Variants in PRDM4 observed in about 807,000 individuals in gnomAD.
PRDM4 encodes PR domain zinc finger protein 4.
In PRDM4, 38 loss-of-function variants were observed where a neutral mutation model predicts 62.3. That is an observed-to-expected ratio of 0.61 (90% CI 0.47 to 0.80). PRDM4 has a LOEUF of 0.80. Ranked by LOEUF, PRDM4 falls within the 30% of genes least tolerant of loss-of-function variation. PRDM4 has a pLI of 0.00. For missense variants in PRDM4, 858 were observed against 997.1 expected (o/e 0.86, Z 1.88); for synonymous variants, 339 against 348.2 (o/e 0.97, Z 0.30).
At position 107,739,276 on chromosome 12, in the gene PRDM4, T is replaced by C. The variant is rs1012882889; in HGVS notation, c.2093+107A>G. The C allele has an allele frequency of 5.1e-5, 65 of 1,279,754 alleles. 1 individual carries two copies. In the Admixed American group the frequency reaches 1.4e-3, roughly 28 times the overall value. The allele number at this position is 1,279,754 out of a possible 1,614,324, so 79.3% of individuals were successfully genotyped here. ...AGGCATCTACCATGGTACCAAGGCATGAAACAGATGAGCCAGGACTCCCCA... is the reference window on the plus strand; with the variant it reads ...AGGCATCTACCATGGTACCAAGGCACGAAACAGATGAGCCAGGACTCCCCA... On this transcript the variant is annotated intron_variant, in intron 11 of 11. Transcript: ENST00000228437.
intron 4 of PRDM4, among the ~76,000 whole-genome samples, chr12:107,753,344 C>A (rs1297527022): frequency 2.2e-5 from 3 of 139,064 alleles, no homozygotes; most frequent in Admixed American, 7.4e-5. Context: ...CCAGCCTGGG[C>A]AAAATAGTTG....
intron 4 of PRDM4, 70 bp from the exon 5 acceptor site, chr12:107,752,279 C>T (rs1890920391): frequency 2.6e-6 from 3 of 1,155,366 alleles, no homozygotes; most frequent in South Asian, 2.8e-5. Flanking sequence ...GCACTAGACG[C>T]TATTTCCTTA....
At chr12:107,742,183 TA>T in intron 9 of PRDM4, 37 bp downstream of exon 9, 1 of 1,583,176 alleles carries the variant, frequency 6.3e-7, no homozygotes, top group Non-Finnish European at 8.6e-7. Context: ...TTGGTATTTT[TA>T]CTAAGCCAGA....
At chr12:107,758,034 G>A (rs12368330) in intron 2 of PRDM4, among the ~76,000 whole-genome samples, 3 of 151,792 alleles carry the variant, frequency 2.0e-5, no homozygotes, top group African/African-American at 7.3e-5. Context: ...CGTATGGGAG[G>A]GGGTGAAGCA....
chr12:107,751,458 G>A lies in PRDM4; in HGVS notation c.1083C>T (p.Asp361=), dbSNP rs1380997159. 6.2e-7 allele frequency: 1 copy of A among 1,612,294 alleles called. No homozygotes were observed. Among genetic ancestry groups the A allele is most frequent in the South Asian group, 1.1e-5 (1 of 91,070 alleles). The change falls in exon 5 of 12, where the codon GAC becomes GAT. Residue 361 remains aspartate (D), a synonymous_variant. Coordinates refer to ENST00000228437, the MANE Select transcript of PRDM4 (RefSeq NM_012406.4). ...SFVSPSLQME[D]SNSNKENMAT... The stretch of plus-strand genomic sequence containing the variant: ...CCATGTTCTCCTTGTTTGAATTGGA[G>A]TCTTCCATTTGCAGTGAAGGTGATA...
chr12:107,748,636 T>G (rs1175732201), intron 5 of PRDM4, among the ~76,000 whole-genome samples: 2 of 152,134 alleles, frequency 1.3e-5, no homozygotes, highest in African/African-American at 4.8e-5. Flanking sequence ...GGCAAATCCA[T>G]AGAGACAGAA....
Position 107,746,284 on chromosome 12 carries a change from C to T in PRDM4, c.1267G>A (p.Ala423Thr), listed in dbSNP as rs1270887388. The T allele has an allele frequency of 1.2e-6, 2 of 1,613,974 alleles. No homozygotes were observed. The highest frequency in any genetic ancestry group is 2.2e-5 in the South Asian group (2 of 91,006). The change falls in exon 6 of 12, where the codon GCA becomes ACA. Residue 423 changes from alanine to threonine, a missense_variant. Physicochemically the swap from Ala to Thr is moderately conservative, Grantham distance 58 (BLOSUM62 0). Coordinates refer to ENST00000228437, the MANE Select transcript of PRDM4 (RefSeq NM_012406.4). ...QLVLRQSIVG[A>T]EVGVWTGETI... Reference sequence around the variant, plus strand: ...GTTCCAAGGTTCTTACCAACTTCTGCTCCCACAATTGACTGACGGAGAACA... The same window carrying T: ...GTTCCAAGGTTCTTACCAACTTCTGTTCCCACAATTGACTGACGGAGAACA...
rs545596805 is a variant in PRDM4 at position 107,744,664 on chromosome 12, G to A, written c.1277-3C>T. On this transcript the variant is annotated splice_polypyrimidine_tract_variant and splice_region_variant and intron_variant, in intron 6 of 11. Transcript: ENST00000228437. Reference sequence around the variant, plus strand: ...AATGGTTTCTCCAGTCCATACACCTGTCAGTGGAAGGACACCAACTACACA... The same window carrying A: ...AATGGTTTCTCCAGTCCATACACCTATCAGTGGAAGGACACCAACTACACA... The A allele has an allele frequency of 1.8e-4, 288 of 1,613,158 alleles. No homozygotes were observed. Among genetic ancestry groups the A allele is most frequent in the Non-Finnish European group, 2.1e-4 (248 of 1,179,306 alleles).
Position 107,760,648 on chromosome 12 carries a change from G to A in PRDM4, c.-133C>T. On this transcript the variant is annotated 5_prime_UTR_variant, in exon 2 of 12. Coordinates refer to ENST00000228437, the MANE Select transcript of PRDM4 (RefSeq NM_012406.4). ...CACCGACGCGGCCACTCGTCCCCGG[G>A]GTCGCCCGGGGCCGCCCAACTTCTC... 1.7e-6 allele frequency: 2 copies of A among 1,184,742 alleles called. No individual in the cohort carries two copies. The highest frequency in any genetic ancestry group is 3.0e-5 in the South Asian group (2 of 65,982). 73.4% of individuals were successfully genotyped at this position (1,184,742 alleles called of 1,614,324 possible). A position where few individuals can be genotyped will look rare whatever the true frequency, so the allele number is the denominator to read the frequency against.
chr12:107,744,885 C>G (rs1011015377), intron 6 of PRDM4, among the ~76,000 whole-genome samples: 2 of 151,748 alleles, frequency 1.3e-5, no homozygotes, highest in African/African-American at 2.4e-5. Flanking sequence ...CAGGGTGAAA[C>G]CCGGTCTCTA....
At chr12:107,743,374 A>C in intron 7 of PRDM4, 92 bp from the exon 8 acceptor site, 3 of 862,342 alleles carry the variant, frequency 3.5e-6, no homozygotes, top group South Asian at 1.4e-5. Context: ...TCATTTACTC[A>C]TTTGCAGTAG....
chr12:107,739,665 G>T, intron 10 of PRDM4, 114 bp from the exon 11 acceptor site: 3 of 1,078,108 alleles, frequency 2.8e-6, no homozygotes, highest in Non-Finnish European at 3.9e-6. Flanking sequence ...GAGCTGACTG[G>T]TAAGCAGCAT....
At chr12:107,737,191 G>A (rs919816380) in intron 11 of PRDM4, among the ~76,000 whole-genome samples, 1 of 151,896 alleles carries the variant, frequency 6.6e-6, no homozygotes, top group Non-Finnish European at 1.5e-5. Context: ...GGGGACACTA[G>A]GGGGGGAACT....
In PRDM4 at chr12:107,741,131, T is replaced by C. The variant is rs768160087; in HGVS notation, c.1739A>G (p.His580Arg). ...CCTTTCTTTGCTGTGACTTGGCCCA[T>C]GGCTGCCGCTATGTCCCTGGGTAGG... Reference protein sequence around the residue: ...HLPTQGHSGSHGPSHSKERKW... With the variant: ...HLPTQGHSGSRGPSHSKERKW... Residue 580 changes from histidine (H) to arginine (R), a missense_variant, in exon 10 of 12, where the codon CAT (histidine) becomes CGT (arginine). Physicochemically the swap from His to Arg is conservative, Grantham distance 29. Coordinates refer to ENST00000228437, the MANE Select transcript of PRDM4 (RefSeq NM_012406.4). The C allele has an allele frequency of 5.6e-6, 9 of 1,614,072 alleles. No individual in the cohort carries two copies. In the South Asian group the frequency reaches 7.7e-5, roughly 14 times the overall value.
At position 107,742,300 on chromosome 12, in the gene PRDM4, G is replaced by A; in HGVS notation, c.1530C>T (p.Ile510=). ...NLVAYPHDGK[I]FFCTSQDIPP... ...GGATATCTTGTGAGGTGCAGAAAAA[G>A]ATTTTTCCATCATGAGGATAAGCCA... Residue 510 remains isoleucine (I), a synonymous_variant, in exon 9 of 12, where the codon ATC becomes ATT. Transcript: ENST00000228437. The A allele has an allele frequency of 6.2e-7, 1 of 1,613,568 alleles. No homozygotes were observed. Among genetic ancestry groups the A allele is most frequent in the Non-Finnish European group, 8.5e-7 (1 of 1,179,650 alleles).
At chr12:107,744,826 G>T (rs111567503) in intron 6 of PRDM4, 165 bp from the exon 7 acceptor site, 1 of 862,168 alleles carries the variant, frequency 1.2e-6, no homozygotes, top group Non-Finnish European at 1.7e-6. Context: ...TTGGGAGGCC[G>T]AGGTGGGCAG....
At chr12:107,736,305 A>T (rs1890327601) in intron 11 of PRDM4, among the ~76,000 whole-genome samples, 1 of 152,230 alleles carries the variant, frequency 6.6e-6, no homozygotes, top group African/African-American at 2.4e-5. Flanking sequence ...GCCAGGTAAA[A>T]GTGAAGGGGT....
chr12:107,759,047 T>A (rs1433311979), intron 2 of PRDM4, among the ~76,000 whole-genome samples: 1 of 152,184 alleles, frequency 6.6e-6, no homozygotes, highest in Non-Finnish European at 1.5e-5. Context: ...GGCAGAAGGA[T>A]CGCTTGAGCC....
intron 7 of PRDM4, 97 bp downstream of exon 7, chr12:107,744,446 A>T (rs1485091843): frequency 7.3e-7 from 1 of 1,368,304 alleles, no homozygotes; most frequent in African/African-American, 1.4e-5. Flanking sequence ...ATGGCACTGT[A>T]TCAGTTCTGG....
Sources: gnomAD v4.1 joint callset for allele counts (sites outside exome capture counted in the v4.1 genomes callset) on GRCh38, gnomAD v4.1.1 for gene constraint, MANE v1.5 for transcripts, NCBI Gene and HGNC (gene_info 2026-07-23, HGNC 2026-07-21) for gene names.